MARCHF1: variants seen among roughly 807,000 people sequenced by gnomAD.
MARCHF1 encodes membrane associated ring-CH-type finger 1, also known as E3 ubiquitin-protein ligase MARCHF1.
A neutral mutation model predicts 54.2 loss-of-function variants in MARCHF1; 40 were observed. That is an observed-to-expected ratio of 0.74 (90% CI 0.57 to 0.96). The LOEUF (loss-of-function observed/expected upper bound fraction) is 0.96, where lower values mean the gene tolerates loss of function less well. MARCHF1 is among the 40% of genes least tolerant of loss of function. The probability of loss-of-function intolerance (pLI) is 0.00; values close to 1 mark genes in which losing one functional copy is unlikely to be tolerated. For synonymous variants in MARCHF1, 236 were observed against 236.3 expected, an observed-to-expected ratio of 1.00 and a Z score of 0.01; for missense variants, 586 against 656.5, an observed-to-expected ratio of 0.89 and a Z score of 1.17.
At chr4:163,614,014 A>G (rs1258551181) in intron 5 of MARCHF1, among the ~76,000 whole-genome samples, 1 of 152,156 alleles carries the variant, frequency 6.6e-6, no homozygotes, top group Non-Finnish European at 1.5e-5. Flanking sequence ...ACATCAGATT[A>G]TTAGCATAAA....
In MARCHF1 at chr4:163,732,047, G is replaced by A. The variant is rs550954779; in HGVS notation, c.112-31184C>T. Among the ~76,000 whole-genome samples the A allele has an allele frequency of 6.6e-5, 10 of 152,176 alleles. No homozygotes were observed. The East Asian group carries it at 1.7e-3, about 26-fold the overall frequency. ...TTGGTGTCAAATAAATAATTACTAGGTATGCAAAGAAGTAGGAAATATGTC... is the reference window on the plus strand; with the variant it reads ...TTGGTGTCAAATAAATAATTACTAGATATGCAAAGAAGTAGGAAATATGTC... On this transcript the variant is annotated intron_variant, in intron 4 of 9. Transcript: ENST00000514618.
intron 4 of MARCHF1, among the ~76,000 whole-genome samples, chr4:163,744,672 G>A (rs1200419218): frequency 1.3e-5 from 2 of 152,138 alleles, no homozygotes; most frequent in Non-Finnish European, 2.9e-5. Context: ...TTAGAAGAGA[G>A]TGAAGTCAGA....
chr4:163,937,061 C>T (rs1208212595), intron 3 of MARCHF1, among the ~76,000 whole-genome samples: 3 of 152,168 alleles, frequency 2.0e-5, no homozygotes, highest in East Asian at 3.9e-4. Flanking sequence ...TAAACTCTCA[C>T]GTATTCATCT....
At chr4:164,193,615 C>T (rs1228795823) in intron 1 of MARCHF1, among the ~76,000 whole-genome samples, 2 of 152,112 alleles carry the variant, frequency 1.3e-5, no homozygotes, top group African/African-American at 2.4e-5. Flanking sequence ...GCCGCCTGGG[C>T]ATTGACAATC....
rs984079302 is a variant in MARCHF1 at position 164,110,662 on chromosome 4, T to A, written c.-248+926A>T. Among the ~76,000 whole-genome samples the A allele has an allele frequency of 1.3e-4, 20 of 150,914 alleles. No homozygotes were observed. In the Admixed American group the frequency reaches 1.3e-3, roughly 10 times the overall value. On this transcript the variant is annotated intron_variant, in intron 2 of 9. Transcript: ENST00000514618. ...CCTCCATTCATTTACTATGAGGCGA[T>A]ACAATCATATTTTTTTTCTCTTGTG...
chr4:163,819,217 G>T (rs1203891003), intron 4 of MARCHF1, among the ~76,000 whole-genome samples: 1 of 152,066 alleles, frequency 6.6e-6, no homozygotes, highest in Non-Finnish European at 1.5e-5. Context: ...CCAGTCCTTT[G>T]TTCTCTCTAC....
At chr4:163,624,032 C>T (rs1340964189) in intron 5 of MARCHF1, among the ~76,000 whole-genome samples, 1 of 152,174 alleles carries the variant, frequency 6.6e-6, no homozygotes, top group Non-Finnish European at 1.5e-5. Context: ...TGAACCGTAA[C>T]ATCACAATTA....
intron 2 of MARCHF1, among the ~76,000 whole-genome samples, chr4:164,036,784 G>A (rs1754015222): frequency 6.6e-6 from 1 of 152,014 alleles, no homozygotes; most frequent in Admixed American, 6.6e-5. Flanking sequence ...AATTTAAAAG[G>A]CCGTTGGTGA....
rs1579048419 is a variant in MARCHF1, at chr4:163,545,569, A to G, written c.1339+27T>C. The G allele has an allele frequency of 1.9e-6, 3 of 1,603,210 alleles. No homozygotes were observed. The East Asian group carries it at 6.7e-5, about 36-fold the overall frequency. On this transcript the variant is annotated intron_variant, in intron 9 of 9. Transcript: ENST00000514618. ...CTGAGTATTGTCTTTAGGATCCAAGAGGGTAAGAAGAAAGATGTGCTCTTA... is the reference window on the plus strand; with the variant it reads ...CTGAGTATTGTCTTTAGGATCCAAGGGGGTAAGAAGAAAGATGTGCTCTTA...
intron 4 of MARCHF1, among the ~76,000 whole-genome samples, chr4:163,718,017 T>C (rs567261922): frequency 6.6e-6 from 1 of 152,276 alleles, no homozygotes; most frequent in African/African-American, 2.4e-5. Flanking sequence ...AACTATCTAA[T>C]CTCTGACAAA....
intron 5 of MARCHF1, among the ~76,000 whole-genome samples, chr4:163,694,482 G>C (rs1432332855): frequency 6.6e-6 from 1 of 152,162 alleles, no homozygotes; most frequent in East Asian, 1.9e-4. Context: ...CTCAAGAGGG[G>C]ACAAAGTGAA....
chr4:164,273,880 AAAG>A (rs1433561124), intron 1 of MARCHF1, among the ~76,000 whole-genome samples: 2 of 152,216 alleles, frequency 1.3e-5, no homozygotes, highest in Non-Finnish European at 2.9e-5. Context: ...ATAAGAAAAA[AAAG>A]AATACAGGCA....
intron 3 of MARCHF1, among the ~76,000 whole-genome samples, chr4:163,981,591 T>C (rs1181216417): frequency 1.3e-5 from 2 of 152,148 alleles, no homozygotes; most frequent in African/African-American, 2.4e-5. Flanking sequence ...GTGATATTCC[T>C]GGGAATGAGC....
At chr4:164,229,454 T>A (rs371078437) in intron 1 of MARCHF1, among the ~76,000 whole-genome samples, 5 of 152,198 alleles carry the variant, frequency 3.3e-5, no homozygotes, top group East Asian at 1.9e-4. Flanking sequence ...TGGCCAATAG[T>A]CATGAGAGTG....
At chr4:163,753,253 C>CT (rs1454594662) in intron 4 of MARCHF1, among the ~76,000 whole-genome samples, 13 of 151,436 alleles carry the variant, frequency 8.6e-5, no homozygotes, top group East Asian at 1.9e-4. Flanking sequence ...CCTACGATTG[C>CT]TTTTTTTTCT....
rs1452799307 is a variant in MARCHF1 at position 164,352,851 on chromosome 4, T to C, written c.-323+31019A>G. ...AAAGAGTCAAGACCCATCAGTGTGC[T>C]GTATTCAGGAAACCCATCTCACGTG... On this transcript the variant is annotated intron_variant, in intron 1 of 9. Coordinates refer to ENST00000514618, the MANE Select transcript of MARCHF1 (RefSeq NM_001394959.1). Among the ~76,000 whole-genome samples, 2 of 91,652 alleles carry C rather than the reference T, an allele frequency of 2.2e-5. 1 individual carries two copies. Among genetic ancestry groups the C allele is most frequent in the Non-Finnish European group, 4.9e-5 (2 of 40,536 alleles). The allele number at this position is 91,652 out of a possible 152,430, so 60.1% of individuals were successfully genotyped here. A position where few individuals can be genotyped will look rare whatever the true frequency, so the allele number is the denominator to read the frequency against.
intron 3 of MARCHF1, among the ~76,000 whole-genome samples, chr4:163,929,928 ATATATTATATATTTATATTATATATAT>A: frequency 1.3e-5 from 1 of 77,470 alleles, no homozygotes; most frequent in Non-Finnish European, 2.5e-5. Flanking sequence ...AATATATATA[ATATATTATATATTTATATTATATATAT>A]TATATATAAT....
intron 2 of MARCHF1, among the ~76,000 whole-genome samples, chr4:164,098,300 C>T (rs1006808158): frequency 2.0e-5 from 3 of 152,082 alleles, no homozygotes; most frequent in African/African-American, 7.2e-5. Context: ...AGGTTAACTT[C>T]ACTATATTTG....
intron 4 of MARCHF1, among the ~76,000 whole-genome samples, chr4:163,721,832 A>G (rs1745473243): frequency 6.6e-6 from 1 of 152,056 alleles, no homozygotes; most frequent in Non-Finnish European, 1.5e-5. Flanking sequence ...TGTTTGTGGT[A>G]TTCTCTGACG....
Sources: allele counts gnomAD v4.1 joint callset (sites outside exome capture counted in the v4.1 genomes callset), GRCh38; gene constraint gnomAD v4.1.1; transcripts MANE v1.5; gene names NCBI Gene and HGNC (gene_info 2026-07-23, HGNC 2026-07-21).